Variants in DZIP1 observed in about 807,000 individuals in gnomAD.
DZIP1 encodes the protein DAZ interacting zinc finger protein 1, also known as cilium assembly protein DZIP1.
A neutral mutation model predicts 107.6 loss-of-function variants in DZIP1; 97 were observed. The observed-to-expected ratio is 0.90, with a 90% CI of 0.77 to 1.07. DZIP1 has a LOEUF of 1.07. DZIP1 is among the 50% of genes least tolerant of loss of function. The pLI, the probability that DZIP1 is intolerant of heterozygous loss-of-function variation, is 0.00. For missense variants in DZIP1, 1,035 were observed against 1,063.6 expected, an observed-to-expected ratio of 0.97 and a Z score of 0.37; for synonymous variants, 390 against 386.4, an observed-to-expected ratio of 1.01 and a Z score of -0.11.
At chr13:95,590,589 C>A in intron 16 of DZIP1, 148 bp from the exon 17 acceptor site, 1 of 723,278 alleles carries the variant, frequency 1.4e-6, no homozygotes, top group Non-Finnish European at 2.2e-6. Flanking sequence ...ACAAGTAACA[C>A]ACTGTCCCCA....
At position 95,580,133 on chromosome 13, in the gene DZIP1, G is replaced by A. The variant is rs146265170; in HGVS notation, c.*2101C>T. 2,052 of 152,168 alleles carry A rather than the reference G, an allele frequency of 0.013. 30 individuals are homozygous for A. The highest frequency in any genetic ancestry group is 0.03 in the South Asian group (145 of 4,818). 9.4% of individuals were successfully genotyped at this position (152,168 alleles called of 1,614,324 possible). A position where few individuals can be genotyped will look rare whatever the true frequency, so the allele number is the denominator to read the frequency against. On this transcript the variant is annotated 3_prime_UTR_variant, in exon 23 of 23. Coordinates refer to ENST00000376829, the MANE Select transcript of DZIP1 (RefSeq NM_198968.4). The stretch of plus-strand genomic sequence containing the variant: ...GCGGATCATTTGAGGTCAGGAGTTC[G>A]AGACCAGTCTGGCCAACATGGTGAA...
At position 95,582,225 on chromosome 13, in the gene DZIP1, C is replaced by T. The variant is rs2044025543; in HGVS notation, c.*9G>A. The T allele has an allele frequency of 2.5e-6, 4 of 1,613,060 alleles. No individual in the cohort carries two copies. The highest frequency in any genetic ancestry group is 2.2e-5 in the East Asian group (1 of 44,884). On this transcript the variant is annotated 3_prime_UTR_variant, in exon 23 of 23. Coordinates refer to ENST00000376829, the MANE Select transcript of DZIP1 (RefSeq NM_198968.4). Reference sequence around the variant, plus strand: ...GCTGGCTTCTGGAATAATCTTCTGACATGTGGAATTAGACATCTGAAGTGT... The same window carrying T: ...GCTGGCTTCTGGAATAATCTTCTGATATGTGGAATTAGACATCTGAAGTGT...
intron 20 of DZIP1, 122 bp from the exon 21 acceptor site, chr13:95,586,258 TA>T (rs2044158492): frequency 1.3e-6 from 1 of 766,862 alleles, no homozygotes. Flanking sequence ...TATGTATTAT[TA>T]AAATAAAATC....
chr13:95,584,669 T>C (rs1212673404), intron 22 of DZIP1, 67 bp downstream of exon 22: 1 of 1,535,594 alleles, frequency 6.5e-7, no homozygotes, highest in Non-Finnish European at 8.7e-7. Context: ...AATTAGATAT[T>C]TATAAAGATG....
At chr13:95,585,541 C>T (rs1310289069) in intron 21 of DZIP1, among the ~76,000 whole-genome samples, 4 of 152,204 alleles carry the variant, frequency 2.6e-5, no homozygotes. Flanking sequence ...CCTCTGGCGT[C>T]CTGGCTGTTA....
chr13:95,595,762 A>G (rs887054533), intron 15 of DZIP1, among the ~76,000 whole-genome samples: 1 of 152,134 alleles, frequency 6.6e-6, no homozygotes, highest in Non-Finnish European at 1.5e-5. Flanking sequence ...CCAATATCTC[A>G]GATAATGAAG....
At chr13:95,640,893 G>A (rs1044650966) in intron 5 of DZIP1, among the ~76,000 whole-genome samples, 10 of 152,190 alleles carry the variant, frequency 6.6e-5, no homozygotes, top group Non-Finnish European at 1.2e-4. Flanking sequence ...TTTTCTGTCA[G>A]TTTGAAAGTA....
At chr13:95,615,456 C>A (rs1415774651) in intron 10 of DZIP1, among the ~76,000 whole-genome samples, 1 of 152,126 alleles carries the variant, frequency 6.6e-6, no homozygotes, top group East Asian at 1.9e-4. Flanking sequence ...ACCATAGATC[C>A]AAAACAGGAT....
chr13:95,608,089 G>A (rs1398433051), intron 13 of DZIP1, among the ~76,000 whole-genome samples: 1 of 152,152 alleles, frequency 6.6e-6, no homozygotes, highest in East Asian at 1.9e-4. Flanking sequence ...CCTTTTGTAT[G>A]CTGGGAAGAG....
At chr13:95,597,802 C>T (rs2044500468) in intron 15 of DZIP1, among the ~76,000 whole-genome samples, 1 of 152,134 alleles carries the variant, frequency 6.6e-6, no homozygotes. Context: ...ACTTTATCAC[C>T]TAGTGATAGA....
At chr13:95,627,509 A>G (rs1426277010) in intron 7 of DZIP1, among the ~76,000 whole-genome samples, 1 of 152,244 alleles carries the variant, frequency 6.6e-6, no homozygotes, top group Non-Finnish European at 1.5e-5. Flanking sequence ...TAAGATATAT[A>G]CAAATGGAAA....
At chr13:95,640,038 G>A (rs934588400) in intron 5 of DZIP1, among the ~76,000 whole-genome samples, 1 of 150,376 alleles carries the variant, frequency 6.6e-6, no homozygotes, top group African/African-American at 2.4e-5. Context: ...CTGTTGCCAG[G>A]CTGGAGTGCA....
rs143716718 is a variant in DZIP1, at chr13:95,615,684, G to A, written c.1174-3507C>T. On this transcript the variant is annotated intron_variant, in intron 10 of 22. Coordinates refer to ENST00000376829, the MANE Select transcript of DZIP1 (RefSeq NM_198968.4). ...AAAGCAACCACTTGAAGCTGTCACT[G>A]CCTGTTTTCCTTCCCGGCTGGGAGC... 3.6e-3 allele frequency among the ~76,000 whole-genome samples: 552 copies of A among 152,284 alleles called. 2 individuals are homozygous for A. The highest frequency in any genetic ancestry group is 0.013 in the African/African-American group (525 of 41,546).
intron 8 of DZIP1, 93 bp downstream of exon 8, chr13:95,624,674 TA>T: frequency 8.8e-7 from 1 of 1,131,060 alleles, no homozygotes. Context: ...GAGGGTAACA[TA>T]AAGTAACTGC....
chr13:95,612,556 C>T, intron 10 of DZIP1, among the ~76,000 whole-genome samples: 1 of 152,288 alleles, frequency 6.6e-6, no homozygotes, highest in African/African-American at 2.4e-5. Context: ...CATGGGCCAT[C>T]CTAGGCCAGA....
chr13:95,612,256 G>A, intron 10 of DZIP1, 79 bp from the exon 11 acceptor site: 1 of 1,499,768 alleles, frequency 6.7e-7, no homozygotes, highest in Non-Finnish European at 9.0e-7. Context: ...AGGTATACAT[G>A]CTCTGCCTGT....
At chr13:95,595,415 C>T (rs1337509233) in intron 15 of DZIP1, among the ~76,000 whole-genome samples, 4 of 152,164 alleles carry the variant, frequency 2.6e-5, no homozygotes, top group Admixed American at 6.5e-5. Context: ...CTATGTTTTG[C>T]TATTGCAGCT....
chr13:95,622,388 T>C lies in DZIP1; in HGVS notation c.1065A>G (p.Pro355=), dbSNP rs1875977019. 3 of 1,614,208 alleles carry C rather than the reference T, an allele frequency of 1.9e-6. No homozygotes were observed. Among genetic ancestry groups the C allele is most frequent in the African/African-American group, 2.7e-5 (2 of 75,066 alleles). The change falls in exon 9 of 23, where the codon CCA becomes CCG. Residue 355 remains proline (P), a synonymous_variant. Coordinates refer to ENST00000376829, the MANE Select transcript of DZIP1 (RefSeq NM_198968.4). ...DAHEFKEDRS[P]YPQDFHNVMQ... ...TGACATTATGGAAATCCTGGGGATATGGAGAACGGTCTTCTTTAAACTCGT... is the reference window on the plus strand; with the variant it reads ...TGACATTATGGAAATCCTGGGGATACGGAGAACGGTCTTCTTTAAACTCGT...
rs1270078062 is a variant in DZIP1, at chr13:95,641,627, G to C, written c.265C>G (p.Leu89Val). ...KVAGAVDVLT[L>V]QENIMNITFC... ...GTGATGTTCATGATGTTCTCCTGCA[G>C]CGTCAGCACGTCCACAGCCCCCGCC... The change falls in exon 5 of 23, where the codon CTG (leucine) becomes GTG (valine). Residue 89 changes from leucine to valine, a missense_variant. Transcript: ENST00000376829. This position sits in a 1 kb window ranked among gnomAD's most constrained non-coding sequence, Gnocchi z 4.3. 1 of 1,611,272 alleles carries C rather than the reference G, an allele frequency of 6.2e-7. No individual in the cohort carries two copies. The highest frequency in any genetic ancestry group is 8.5e-7 in the Non-Finnish European group (1 of 1,180,034).
Sources: allele counts gnomAD v4.1 joint callset (sites outside exome capture counted in the v4.1 genomes callset), GRCh38; gene constraint gnomAD v4.1.1; non-coding constraint Gnocchi (gnomAD v3.1); transcripts MANE v1.5; gene names NCBI Gene and HGNC (gene_info 2026-07-23, HGNC 2026-07-21).